SYN3: variants seen among roughly 807,000 people sequenced by gnomAD.
SYN3 encodes the protein synapsin III.
A neutral mutation model predicts 65.8 loss-of-function variants in SYN3; 35 were observed. The ratio of observed to expected loss-of-function variants is 0.53; its 90% CI spans 0.41 to 0.70. The LOEUF (loss-of-function observed/expected upper bound fraction) is 0.70, where lower values mean the gene tolerates loss of function less well. SYN3 is among the 30% of genes least tolerant of loss of function. SYN3 has a pLI of 0.00. For missense variants in SYN3, 680 were observed against 749.0 expected (o/e 0.91, Z 1.08); for synonymous variants, 270 against 292.9 (o/e 0.92, Z 0.80).
At chr22:32,633,594 G>A (rs925351421) in intron 6 of SYN3, among the ~76,000 whole-genome samples, 7 of 152,142 alleles carry the variant, frequency 4.6e-5, no homozygotes, top group Non-Finnish European at 1.0e-4. Context: ...TTTGACCTCC[G>A]AGGCAGAGGG....
chr22:32,763,999 G>A (rs975290421), intron 6 of SYN3, among the ~76,000 whole-genome samples: 13 of 149,332 alleles, frequency 8.7e-5, no homozygotes, highest in East Asian at 2.0e-4. Context: ...GTGCAATGGC[G>A]CAATCTCGGC....
chr22:32,788,242 T>TAA (rs34240483), intron 6 of SYN3, among the ~76,000 whole-genome samples: 12 of 151,676 alleles, frequency 7.9e-5, no homozygotes, highest in South Asian at 4.2e-4. Context: ...ACGACTATAT[T>TAA]AAAAAAAACA....
Position 32,756,158 on chromosome 22 carries a change from G to A in SYN3, c.711+108757C>T, listed in dbSNP as rs550469214. 1.9e-4 allele frequency among the ~76,000 whole-genome samples: 29 copies of A among 151,804 alleles called. No homozygotes were observed. The East Asian group carries it at 5.0e-3, about 26-fold the overall frequency. ...TGGGTGCAGCAAACCACCATGGCAC[G>A]TGTATACCTGTGTAACAAACCTGCA... On this transcript the variant is annotated intron_variant, in intron 6 of 13. Transcript: ENST00000358763.
intron 6 of SYN3, among the ~76,000 whole-genome samples, chr22:32,616,191 TGGGGGCAGGAGGTG>T (rs1465027166): frequency 6.6e-5 from 10 of 151,850 alleles, no homozygotes; most frequent in South Asian, 2.1e-4. Flanking sequence ...CTCTCCTGCA[TGGGGGCAGGAGGTG>T]GGGGGCAGGA....
intron 1 of SYN3, among the ~76,000 whole-genome samples, chr22:33,034,834 C>T (rs1246874106): frequency 1.3e-5 from 2 of 152,158 alleles, no homozygotes; most frequent in Admixed American, 6.6e-5. Context: ...TAGTCTATCT[C>T]GAGATGCAGC....
chr22:32,779,427 T>C (rs1458986157), intron 6 of SYN3, among the ~76,000 whole-genome samples: 1 of 152,166 alleles, frequency 6.6e-6, no homozygotes, highest in Non-Finnish European at 1.5e-5. Flanking sequence ...GCCACTGCAC[T>C]CCAGCCTGGG....
intron 4 of SYN3, among the ~76,000 whole-genome samples, chr22:32,891,791 T>C (rs1202573247): frequency 6.6e-6 from 1 of 152,106 alleles, no homozygotes; most frequent in Non-Finnish European, 1.5e-5. Context: ...CCTGTCTTAA[T>C]GTGACTCTAA....
intron 1 of SYN3, among the ~76,000 whole-genome samples, chr22:33,041,395 A>C (rs1037890754): frequency 2.7e-5 from 4 of 149,460 alleles, no homozygotes; most frequent in African/African-American, 9.9e-5. Flanking sequence ...GGTTCACGCC[A>C]TTCTGCTGCT....
intron 6 of SYN3, among the ~76,000 whole-genome samples, chr22:32,719,721 T>G (rs1211827951): frequency 1.3e-5 from 2 of 152,030 alleles, no homozygotes; most frequent in Non-Finnish European, 2.9e-5. Context: ...GGTGGCATGT[T>G]CCTGTAGTCC....
intron 7 of SYN3, among the ~76,000 whole-genome samples, chr22:32,542,462 A>ATG (rs1338239788): frequency 2.0e-5 from 3 of 150,740 alleles, no homozygotes; most frequent in Admixed American, 6.6e-5. Context: ...TGTGTGATAT[A>ATG]TGTGTGTGTG....
At chr22:32,818,775 A>G (rs1401710743) in intron 6 of SYN3, among the ~76,000 whole-genome samples, 2 of 152,128 alleles carry the variant, frequency 1.3e-5, no homozygotes, top group Non-Finnish European at 2.9e-5. Flanking sequence ...TTCCACCTGG[A>G]TCTGGAGAAG....
At chr22:32,725,578 A>G (rs570453502) in intron 6 of SYN3, among the ~76,000 whole-genome samples, 1 of 152,302 alleles carries the variant, frequency 6.6e-6, no homozygotes, top group East Asian at 1.9e-4. Flanking sequence ...ATTAGGAGGC[A>G]GAAGAGTCAG....
intron 7 of SYN3, among the ~76,000 whole-genome samples, chr22:32,551,152 C>T (rs184317409): frequency 1.3e-3 from 202 of 152,284 alleles, no homozygotes; most frequent in African/African-American, 4.7e-3. Flanking sequence ...CATCCTTCTG[C>T]AGCCCCTAAT....
intron 6 of SYN3, among the ~76,000 whole-genome samples, chr22:32,664,991 CTTTTTTT>C (rs564943069): frequency 6.5e-4 from 45 of 68,994 alleles, no homozygotes; most frequent in South Asian, 2.3e-3. Flanking sequence ...ATGTATAATT[CTTTTTTT>C]TTTTTTTTTT....
chr22:32,874,929 G>C (rs2048944409), intron 4 of SYN3, among the ~76,000 whole-genome samples: 1 of 152,174 alleles, frequency 6.6e-6, no homozygotes, highest in Non-Finnish European at 1.5e-5. Flanking sequence ...CAGCAAATGG[G>C]GAGGGGGAAT....
intron 4 of SYN3, among the ~76,000 whole-genome samples, chr22:32,876,557 A>C (rs917273142): frequency 1.3e-5 from 2 of 151,840 alleles, no homozygotes; most frequent in African/African-American, 4.8e-5. Context: ...GGGAACTATT[A>C]CATTCTTCTT....
At chr22:33,054,306 T>C (rs2054220426) in intron 1 of SYN3, among the ~76,000 whole-genome samples, 1 of 152,214 alleles carries the variant, frequency 6.6e-6, no homozygotes, top group African/African-American at 2.4e-5. Flanking sequence ...AAGAGGGTAT[T>C]TGAATTGTAT....
At chr22:32,909,704 G>A (rs576685603) in intron 4 of SYN3, among the ~76,000 whole-genome samples, 1 of 141,642 alleles carries the variant, frequency 7.1e-6, no homozygotes, top group Non-Finnish European at 1.5e-5. Context: ...AACACTGTTG[G>A]TTTAGCATTT....
intron 6 of SYN3, among the ~76,000 whole-genome samples, chr22:32,856,756 C>A (rs1037135423): frequency 6.6e-6 from 1 of 152,172 alleles, no homozygotes; most frequent in Admixed American, 6.5e-5. Context: ...AACACTGGGT[C>A]TTACTTGTTC....
Sources: gnomAD v4.1 joint callset for allele counts (sites outside exome capture counted in the v4.1 genomes callset) on GRCh38, gnomAD v4.1.1 for gene constraint, MANE v1.5 for transcripts, NCBI Gene and HGNC (gene_info 2026-07-23, HGNC 2026-07-21) for gene names.